AKT3: variants seen among roughly 807,000 people sequenced by gnomAD.
AKT3 encodes the protein AKT serine/threonine kinase 3.
AKT3 carries 15 observed loss-of-function variants against 65.3 expected under a neutral mutation model. That is an observed-to-expected ratio of 0.23 (90% CI 0.15 to 0.35). The LOEUF (loss-of-function observed/expected upper bound fraction) is 0.35, where lower values mean the gene tolerates loss of function less well. AKT3 is among the 10% of genes least tolerant of loss of function. The probability of loss-of-function intolerance (pLI) is 1.00; values close to 1 mark genes in which losing one functional copy is unlikely to be tolerated. For synonymous variants in AKT3, 206 were observed against 183.8 expected (o/e 1.12, Z -0.98); for missense variants, 243 against 576.5 (o/e 0.42, Z 5.92).
At chr1:243,771,418 T>A (rs1413066491) in intron 2 of AKT3, among the ~76,000 whole-genome samples, 1 of 152,174 alleles carries the variant, frequency 6.6e-6, no homozygotes, top group Non-Finnish European at 1.5e-5. Flanking sequence ...TAACTCTTTG[T>A]TGAATGGATA....
Position 243,843,191 on chromosome 1 carries a change from C to T in AKT3, c.-21G>A, listed in dbSNP as rs1177898786. Reference sequence around the variant, plus strand: ...CTCATGATGACTCCCCTCTGAGCCCCCAACTTGGAGAAATGGTACTTTGTG... The same window carrying T: ...CTCATGATGACTCCCCTCTGAGCCCTCAACTTGGAGAAATGGTACTTTGTG... On this transcript the variant is annotated 5_prime_UTR_variant, in exon 2 of 14. Transcript: ENST00000673466. The T allele has an allele frequency of 1.1e-5, 17 of 1,610,504 alleles. No individual in the cohort carries two copies. The highest frequency in any genetic ancestry group is 1.4e-5 in the Non-Finnish European group (17 of 1,178,206).
intron 3 of AKT3, among the ~76,000 whole-genome samples, chr1:243,693,243 G>GATATATATATAT (rs1172388560): frequency 8.8e-5 from 4 of 45,396 alleles, no homozygotes; most frequent in Non-Finnish European, 1.2e-4. Flanking sequence ...GCTACAATTT[G>GATATATATATAT]ATATATATAT....
At chr1:243,724,457 C>T (rs926412224) in intron 2 of AKT3, among the ~76,000 whole-genome samples, 2 of 152,016 alleles carry the variant, frequency 1.3e-5, no homozygotes, top group African/African-American at 4.8e-5. Context: ...TTTTCAAAAG[C>T]ATATTTTTTT....
intron 2 of AKT3, among the ~76,000 whole-genome samples, chr1:243,819,048 G>A (rs1276525384): frequency 1.3e-5 from 2 of 152,208 alleles, no homozygotes; most frequent in East Asian, 3.9e-4. Context: ...CTCATGAGCC[G>A]ATGCCACCAG....
At chr1:243,761,799 A>C (rs1321042208) in intron 2 of AKT3, among the ~76,000 whole-genome samples, 1 of 152,192 alleles carries the variant, frequency 6.6e-6, no homozygotes, top group Non-Finnish European at 1.5e-5. Context: ...TAAATTTTTT[A>C]AGGAAAGATG....
downstream of AKT3, among the ~76,000 whole-genome samples, chr1:243,495,774 C>T (rs1667698996): frequency 6.6e-6 from 1 of 152,192 alleles, no homozygotes; most frequent in Admixed American, 6.5e-5. Flanking sequence ...CTCCTCAGTG[C>T]GTTGGTGGCG....
chr1:243,657,499 A>G (rs1304987254), intron 4 of AKT3, among the ~76,000 whole-genome samples: 1 of 152,218 alleles, frequency 6.6e-6, no homozygotes. Flanking sequence ...ATGAAAGGAG[A>G]CACAAATAAA....
At chr1:243,665,715 A>G (rs1000342896) in intron 3 of AKT3, among the ~76,000 whole-genome samples, 1 of 152,224 alleles carries the variant, frequency 6.6e-6, no homozygotes, top group Non-Finnish European at 1.5e-5. Flanking sequence ...TAATAAGTTC[A>G]TCTAATATTA....
chr1:243,504,144 G>A lies in AKT3; in HGVS notation c.*1105C>T. 1 of 219,470 alleles carries A rather than the reference G, an allele frequency of 4.6e-6. No homozygotes were observed. Among genetic ancestry groups the A allele is most frequent in the Non-Finnish European group, 9.2e-6 (1 of 109,238 alleles). The allele number at this position is 219,470 out of a possible 1,614,324, so 13.6% of individuals were successfully genotyped here. On this transcript the variant is annotated 3_prime_UTR_variant, in exon 14 of 14. Transcript: ENST00000673466. ...CAGCGTGTACAATCCTTGCACATGG[G>A]TCAAAAGTAACTGCAGTAAGTCTAT...
At chr1:243,527,669 A>G (rs1671200544) in intron 12 of AKT3, among the ~76,000 whole-genome samples, 1 of 152,018 alleles carries the variant, frequency 6.6e-6, no homozygotes, top group Non-Finnish European at 1.5e-5. Flanking sequence ...CACTGTCTTA[A>G]AACTTCTAAT....
At chr1:243,605,191 G>A (rs1677304945) in intron 8 of AKT3, among the ~76,000 whole-genome samples, 1 of 151,622 alleles carries the variant, frequency 6.6e-6, no homozygotes, top group African/African-American at 2.4e-5. Flanking sequence ...CACCATACAT[G>A]GCTAACTTTT....
chr1:243,703,586 C>T (rs1221934833), intron 2 of AKT3, among the ~76,000 whole-genome samples: 1 of 151,896 alleles, frequency 6.6e-6, no homozygotes, highest in Non-Finnish European at 1.5e-5. Context: ...CATGGCAAGA[C>T]CGTCTCTACT....
chr1:243,822,187 T>C (rs1411352907), intron 2 of AKT3, among the ~76,000 whole-genome samples: 3 of 152,232 alleles, frequency 2.0e-5, no homozygotes, highest in Admixed American at 6.5e-5. Flanking sequence ...CCTGGGTAAA[T>C]AATGAAATTA....
At chr1:243,615,529 C>A (rs908653877) in intron 6 of AKT3, among the ~76,000 whole-genome samples, 1 of 152,048 alleles carries the variant, frequency 6.6e-6, no homozygotes, top group Non-Finnish European at 1.5e-5. Context: ...TTAATATCTC[C>A]ATGTTTGTAA....
intron 1 of AKT3, among the ~76,000 whole-genome samples, chr1:243,848,192 T>C (rs1401111978): frequency 6.6e-6 from 1 of 152,144 alleles, no homozygotes; most frequent in Admixed American, 6.5e-5. Context: ...GGGTCAACCC[T>C]AGTAAGGAAA....
chr1:243,533,848 G>C (rs1671720194), intron 12 of AKT3, among the ~76,000 whole-genome samples: 1 of 152,116 alleles, frequency 6.6e-6, no homozygotes, highest in Admixed American at 6.5e-5. Context: ...AAATTAGCCG[G>C]GCGTGGTGGT....
At chr1:243,700,169 T>C (rs1480536015) in intron 2 of AKT3, among the ~76,000 whole-genome samples, 1 of 152,212 alleles carries the variant, frequency 6.6e-6, no homozygotes, top group Non-Finnish European at 1.5e-5. Context: ...AACTACTACT[T>C]ACTCATTGAG....
chr1:243,581,933 G>T (rs889334688), intron 8 of AKT3, among the ~76,000 whole-genome samples: 2 of 151,790 alleles, frequency 1.3e-5, no homozygotes, highest in Non-Finnish European at 2.9e-5. Context: ...TTCACATAAG[G>T]AATTTCAAAA....
chr1:243,571,094 C>T (rs183121809), intron 9 of AKT3, among the ~76,000 whole-genome samples: 265 of 152,100 alleles, frequency 1.7e-3, no homozygotes, highest in Non-Finnish European at 3.0e-3. Flanking sequence ...TCGAGGCAGG[C>T]GGTCACGAGG....
Sources: gnomAD v4.1 joint callset for allele counts (sites outside exome capture counted in the v4.1 genomes callset) on GRCh38, gnomAD v4.1.1 for gene constraint, MANE v1.5 for transcripts, NCBI Gene and HGNC (gene_info 2026-07-23, HGNC 2026-07-21) for gene names.